The following KRT77 variants were observed in gnomAD, a reference collection of about 807,000 sequenced individuals.
KRT77 encodes the protein keratin 77.
Under a neutral mutation model 51.5 loss-of-function variants are expected in KRT77, and 44 were observed. That is an observed-to-expected ratio of 0.85 (90% CI 0.67 to 1.10). KRT77 has a LOEUF of 1.10. KRT77 is among the 50% of genes least tolerant of loss of function. The pLI, the probability that KRT77 is intolerant of heterozygous loss-of-function variation, is 0.00. For synonymous variants in KRT77, 293 were observed against 302.0 expected (o/e 0.97, Z 0.31); for missense variants, 763 against 743.9 (o/e 1.03, Z -0.30).
intron 1 of KRT77, among the ~76,000 whole-genome samples, chr12:52,698,965 G>A (rs981015756): frequency 6.6e-5 from 10 of 152,158 alleles, no homozygotes; most frequent in South Asian, 4.1e-4. Context: ...CAAATCCCCC[G>A]GCCCTTGAGA....
rs1239247863 is a variant in KRT77 at position 52,691,349 on chromosome 12, C to A, written c.1553G>T (p.Gly518Val). The A allele has an allele frequency of 6.3e-7, 1 of 1,594,976 alleles. No individual in the cohort carries two copies. The change falls in exon 9 of 9, where the codon GGC (glycine) becomes GTC (valine). Residue 518 changes from glycine to valine, a missense_variant. By Grantham distance (109) the Gly-to-Val change is moderately radical. Coordinates refer to ENST00000341809, the MANE Select transcript of KRT77 (RefSeq NM_175078.3). Reference sequence around the variant, plus strand: ...GCGGTAGCTTCTTCCGCCGCCATAGCCCCCACCGCTGCCGCCGCCGTAGCC... The same window carrying A: ...GCGGTAGCTTCTTCCGCCGCCATAGACCCCACCGCTGCCGCCGCCGTAGCC... ...SGGYGGGSGG[G>V]YGGGRSYRGG...
At position 52,703,326 on chromosome 12, in the gene KRT77, C is replaced by T. The variant is rs1565656030; in HGVS notation, c.109G>A (p.Val37Met). 2 of 1,614,048 alleles carry T rather than the reference C, an allele frequency of 1.2e-6. No individual in the cohort carries two copies. Among genetic ancestry groups the T allele is most frequent in the African/African-American group, 2.7e-5 (2 of 74,900 alleles). The change falls in exon 1 of 9, where the codon GTG (valine) becomes ATG (methionine). Residue 37 changes from valine to methionine, a missense_variant. Coordinates refer to ENST00000341809, the MANE Select transcript of KRT77 (RefSeq NM_175078.3). ...CCACACCTCCCTCGAGCATAACACA[C>T]AGAACCCACTGCCGGACTCCCACCA... ...SGGGSPAVGSVCYARGRCGGG... is the reference protein window; with the variant it reads ...SGGGSPAVGSMCYARGRCGGG...
rs1348353497 is a variant in KRT77, at chr12:52,697,801, G to A, written c.639C>T (p.Pro213=). 1 of 1,614,000 alleles carries A rather than the reference G, an allele frequency of 6.2e-7. No homozygotes were observed. Among genetic ancestry groups the A allele is most frequent in the African/African-American group, 1.3e-5 (1 of 74,980 alleles). Residue 213 remains proline, a synonymous_variant, in exon 2 of 9, where the codon CCC becomes CCT. Transcript: ENST00000341809. The stretch of plus-strand genomic sequence containing the variant: ...GGTCACCGATGTAGTTCTCCAAGAG[G>A]GGCTCCAGGTTGTTGGTTCCAGTTG... ...NTSTGTNNLE[P]LLENYIGDLR... is the part of the protein sequence containing the mutation.
Position 52,700,032 on chromosome 12 carries a change from A to G in KRT77, c.544-2136T>C, listed in dbSNP as rs541090370. 4.0e-4 allele frequency among the ~76,000 whole-genome samples: 61 copies of G among 152,374 alleles called. 1 individual carries two copies. The highest frequency in any genetic ancestry group is 1.4e-3 in the African/African-American group (60 of 41,592). On this transcript the variant is annotated intron_variant, in intron 1 of 8. Coordinates refer to ENST00000341809, the MANE Select transcript of KRT77 (RefSeq NM_175078.3). Reference sequence around the variant, plus strand: ...AGGGTCAGCTGATCAAGGCCAGGCCAGTGTCCCAGGGGTAAGAGCTGAAAC... The same window carrying G: ...AGGGTCAGCTGATCAAGGCCAGGCCGGTGTCCCAGGGGTAAGAGCTGAAAC...
chr12:52,700,766 C>T (rs527863774), intron 1 of KRT77, among the ~76,000 whole-genome samples: 9 of 152,126 alleles, frequency 5.9e-5, no homozygotes, highest in Admixed American at 5.2e-4. Context: ...AATATAGGGC[C>T]TTGTAGGACT....
intron 3 of KRT77, among the ~76,000 whole-genome samples, 184 bp from the exon 4 acceptor site, chr12:52,696,051 C>T (rs1170900934): frequency 2.6e-5 from 4 of 152,216 alleles, no homozygotes; most frequent in African/African-American, 9.6e-5. Flanking sequence ...AGATGTGACA[C>T]CAACCTCCAC....
intron 1 of KRT77, among the ~76,000 whole-genome samples, chr12:52,701,811 C>T (rs1423016762): frequency 6.6e-6 from 1 of 152,192 alleles, no homozygotes; most frequent in Admixed American, 6.5e-5. Context: ...AAAGGGGAAA[C>T]TCAGACAGAA....
chr12:52,703,196 CT>C lies in KRT77; in HGVS notation c.238del (p.Ser80ValfsTer9). ...ISINLMGRST[S>X]GFCQGGGVGG... ...TACTCCCCCACCCTGGCAGAAACCA[CT>C]GGTGCTCCTCCCCATTAGATTAATG... On this transcript the variant is annotated frameshift_variant, in exon 1 of 9. Coordinates refer to ENST00000341809, the MANE Select transcript of KRT77 (RefSeq NM_175078.3). LOFTEE classifies it high-confidence loss of function. 1 of 1,612,944 alleles carries C rather than the reference CT, an allele frequency of 6.2e-7. No homozygotes were observed. Among genetic ancestry groups the C allele is most frequent in the Non-Finnish European group, 8.5e-7 (1 of 1,179,526 alleles).
intron 5 of KRT77, among the ~76,000 whole-genome samples, 176 bp downstream of exon 5, chr12:52,694,450 G>A (rs1167938533): frequency 6.6e-6 from 1 of 152,190 alleles, no homozygotes; most frequent in Non-Finnish European, 1.5e-5. Context: ...TGGTAGAAGA[G>A]ATATTAACAT....
intron 3 of KRT77, 76 bp downstream of exon 3, chr12:52,696,294 A>G: frequency 7.1e-7 from 1 of 1,407,478 alleles, no homozygotes; most frequent in South Asian, 1.2e-5. Context: ...GTTGTCACAG[A>G]GCATCCCATA....
intron 1 of KRT77, among the ~76,000 whole-genome samples, chr12:52,701,312 C>T (rs1169189944): frequency 1.3e-5 from 2 of 152,226 alleles, no homozygotes; most frequent in South Asian, 2.1e-4. Flanking sequence ...GCAGCATGAT[C>T]GGAAGCCACG....
chr12:52,691,545 A>G lies in KRT77; in HGVS notation c.1463-106T>C. ...TCCTCCATCCTCGATCACCCGTGGC[A>G]TCGACTTGCAAACCCCATACATTGA... On this transcript the variant is annotated intron_variant, in intron 8 of 8. Transcript: ENST00000341809. 3 of 1,306,052 alleles carry G rather than the reference A, an allele frequency of 2.3e-6. No homozygotes were observed. In the South Asian group the frequency reaches 4.2e-5, roughly 18 times the overall value. 80.9% of individuals were successfully genotyped at this position (1,306,052 alleles called of 1,614,324 possible). A position where few individuals can be genotyped will look rare whatever the true frequency, so the allele number is the denominator to read the frequency against.
intron 7 of KRT77, 150 bp from the exon 8 acceptor site, chr12:52,692,122 A>G: frequency 6.9e-6 from 6 of 872,322 alleles, no homozygotes; most frequent in Non-Finnish European, 9.1e-6. Context: ...GGCAGAGAGA[A>G]ATTTCAGGGT....
chr12:52,697,701 C>T lies in KRT77; in HGVS notation c.739G>A (p.Val247Met). 3.7e-6 allele frequency: 6 copies of T among 1,613,154 alleles called. No homozygotes were observed. Among genetic ancestry groups the T allele is most frequent in the Non-Finnish European group, 5.1e-6 (6 of 1,179,450 alleles). ...NAEVRSMQDV[V>M]EDYKSKYEDE... Reference sequence around the variant, plus strand: ...TCTCACTTGCTCTTGTAGTCCTCCACGACATCCTGCATGCTCCTGACCTCC... The same window carrying T: ...TCTCACTTGCTCTTGTAGTCCTCCATGACATCCTGCATGCTCCTGACCTCC... The change falls in exon 2 of 9, where the codon GTG becomes ATG. Residue 247 changes from valine to methionine, a missense_variant. Coordinates refer to ENST00000341809, the MANE Select transcript of KRT77 (RefSeq NM_175078.3).
intron 1 of KRT77, 80 bp from the exon 2 acceptor site, chr12:52,697,976 C>A (rs1941825767): frequency 6.9e-7 from 1 of 1,457,000 alleles, no homozygotes; most frequent in South Asian, 1.2e-5. Context: ...CATACCCCCT[C>A]AACACATCCA....
In KRT77 at chr12:52,702,920, T is replaced by C; in HGVS notation, c.515A>G (p.Asn172Ser). ...TQEREQIMVL[N>S]NKFASFIDKV... ...GTCAATGAAGGAGGCAAACTTGTTGTTGAGAACCATAATCTGCTCCCGCTC... is the reference window on the plus strand; with the variant it reads ...GTCAATGAAGGAGGCAAACTTGTTGCTGAGAACCATAATCTGCTCCCGCTC... Residue 172 changes from asparagine to serine, a missense_variant, in exon 1 of 9, where the codon AAC becomes AGC. By Grantham distance (46) the Asn-to-Ser change is conservative. Coordinates refer to ENST00000341809, the MANE Select transcript of KRT77 (RefSeq NM_175078.3). The C allele has an allele frequency of 6.2e-7, 1 of 1,614,050 alleles. No individual in the cohort carries two copies. Among genetic ancestry groups the C allele is most frequent in the South Asian group, 1.1e-5 (1 of 91,066 alleles).
chr12:52,699,724 G>C (rs1236867788), intron 1 of KRT77, among the ~76,000 whole-genome samples: 2 of 152,208 alleles, frequency 1.3e-5, no homozygotes, highest in Non-Finnish European at 2.9e-5. Context: ...CATCCCACCA[G>C]TGTGTCCCCT....
At position 52,697,685 on chromosome 12, in the gene KRT77, C is replaced by G; in HGVS notation, c.755G>C (p.Ser252Thr). Residue 252 changes from serine to threonine, a missense_variant, in exon 2 of 9, where the codon AGC becomes ACC. Transcript: ENST00000341809. ...SMQDVVEDYKSKYEDEINKRT... is the reference protein window; with the variant it reads ...SMQDVVEDYKTKYEDEINKRT... The stretch of plus-strand genomic sequence containing the variant: ...TTTGCCCTGCCTGGAGTCTCACTTG[C>G]TCTTGTAGTCCTCCACGACATCCTG... 1 of 1,611,686 alleles carries G rather than the reference C, an allele frequency of 6.2e-7. No homozygotes were observed. Among genetic ancestry groups the G allele is most frequent in the Admixed American group, 1.7e-5 (1 of 59,852 alleles).
rs745326092 is a variant in KRT77 at position 52,697,689 on chromosome 12, T to C, written c.751A>G (p.Lys251Glu). 6 of 1,610,292 alleles carry C rather than the reference T, an allele frequency of 3.7e-6. No individual in the cohort carries two copies. In the Admixed American group the frequency reaches 8.4e-5, roughly 22 times the overall value. ...RSMQDVVEDY[K>E]SKYEDEINKR... The stretch of plus-strand genomic sequence containing the variant: ...CCCTGCCTGGAGTCTCACTTGCTCT[T>C]GTAGTCCTCCACGACATCCTGCATG... The change falls in exon 2 of 9, where the codon AAG (lysine) becomes GAG (glutamate). Residue 251 changes from lysine (K) to glutamate (E), a missense_variant. Physicochemically the swap from Lys to Glu is moderately conservative, Grantham distance 56. Transcript: ENST00000341809.
Sources: allele counts gnomAD v4.1 joint callset (sites outside exome capture counted in the v4.1 genomes callset), GRCh38; gene constraint gnomAD v4.1.1; transcripts MANE v1.5; gene names NCBI Gene and HGNC (gene_info 2026-07-23, HGNC 2026-07-21).